The following AFF3 variants were observed in gnomAD, a reference collection of about 807,000 sequenced individuals.
The protein encoded by AFF3 is AF4/FMR2 family member 3.
A neutral mutation model predicts 129.7 loss-of-function variants in AFF3; 32 were observed. The observed-to-expected ratio is 0.25, with a 90% CI of 0.19 to 0.33. The LOEUF is 0.33. Among genes scored for constraint, AFF3 ranks in the 10% least tolerant of loss-of-function variants. AFF3 has a pLI of 1.00. For missense variants in AFF3, 1,373 were observed against 1,592.0 expected, an observed-to-expected ratio of 0.86 and a Z score of 2.34; for synonymous variants, 644 against 635.4, an observed-to-expected ratio of 1.01 and a Z score of -0.20.
At chr2:99,999,529 T>G (rs1208854045) in intron 7 of AFF3, among the ~76,000 whole-genome samples, 1 of 152,200 alleles carries the variant, frequency 6.6e-6, no homozygotes, top group Non-Finnish European at 1.5e-5. Context: ...ACTTATAATC[T>G]AGTGAAATTC....
Position 99,636,926 on chromosome 2 carries a change from G to A in AFF3, c.1184+12700C>T, listed in dbSNP as rs1270959625. On this transcript the variant is annotated intron_variant, in intron 13 of 24. Coordinates refer to ENST00000672756, the MANE Select transcript of AFF3 (RefSeq NM_001386135.1). ...TACCTCTGGGAGCAGGTCACGGGGC[G>A]GCAGCCTGTGAGCGGAGGTGAGGGC... Among the ~76,000 whole-genome samples, 8 of 152,328 alleles carry A rather than the reference G, an allele frequency of 5.3e-5. 1 individual carries two copies. The highest frequency in any genetic ancestry group is 4.1e-4 in the South Asian group (2 of 4,828).
intron 19 of AFF3, among the ~76,000 whole-genome samples, chr2:99,566,004 A>T (rs979160533): frequency 2.0e-5 from 3 of 152,202 alleles, no homozygotes; most frequent in African/African-American, 7.2e-5. Context: ...GTCCCATATA[A>T]GAGTTTTCAT....
At chr2:99,632,389 A>G (rs973698305) in intron 13 of AFF3, among the ~76,000 whole-genome samples, 1 of 152,116 alleles carries the variant, frequency 6.6e-6, no homozygotes, top group Non-Finnish European at 1.5e-5. Context: ...TCAGTTTGAG[A>G]AAATACGATA....
At chr2:99,676,192 C>T (rs891491903) in intron 11 of AFF3, among the ~76,000 whole-genome samples, 4 of 152,154 alleles carry the variant, frequency 2.6e-5, no homozygotes, top group African/African-American at 4.8e-5. Context: ...ACCCCTTTCA[C>T]GTTCCCTTAG....
chr2:99,696,887 C>T (rs1336540726), intron 11 of AFF3, among the ~76,000 whole-genome samples: 1 of 152,168 alleles, frequency 6.6e-6, no homozygotes, highest in Non-Finnish European at 1.5e-5. Flanking sequence ...TTCAAGTGAT[C>T]CTGCTACCTT....
At chr2:100,015,235 T>G (rs886504260) in intron 4 of AFF3, among the ~76,000 whole-genome samples, 2 of 152,154 alleles carry the variant, frequency 1.3e-5, no homozygotes, top group African/African-American at 4.8e-5. Flanking sequence ...CAGATTTGGT[T>G]TGGAGCAAAT....
chr2:100,126,894 T>A (rs780024094), intron 2 of AFF3, among the ~76,000 whole-genome samples: 1 of 152,238 alleles, frequency 6.6e-6, no homozygotes, highest in Admixed American at 6.5e-5. Context: ...TGGAGTTGTG[T>A]TGACACACTG....
intron 8 of AFF3, among the ~76,000 whole-genome samples, chr2:99,777,451 T>C (rs1683992699): frequency 6.6e-6 from 1 of 152,184 alleles, no homozygotes; most frequent in African/African-American, 2.4e-5. Context: ...CCTGGGCATC[T>C]GCAGACTGAA....
intron 8 of AFF3, among the ~76,000 whole-genome samples, chr2:99,762,893 A>G (rs992285804): frequency 2.4e-4 from 36 of 152,270 alleles, no homozygotes; most frequent in African/African-American, 8.7e-4. Flanking sequence ...CAGTTTCTGT[A>G]TCAGAATAAT....
chr2:99,953,294 TC>T (rs1449303580), intron 7 of AFF3, among the ~76,000 whole-genome samples: 1 of 152,158 alleles, frequency 6.6e-6, no homozygotes, highest in Non-Finnish European at 1.5e-5. Flanking sequence ...CTTTAGACTT[TC>T]CTCCACTGGA....
intron 13 of AFF3, among the ~76,000 whole-genome samples, chr2:99,602,476 C>A (rs1679934641): frequency 6.6e-6 from 1 of 152,028 alleles, no homozygotes; most frequent in Admixed American, 6.6e-5. Flanking sequence ...AATTAATTAA[C>A]CATAAAAATT....
chr2:99,747,030 C>CTTAT (rs199665545), intron 9 of AFF3, among the ~76,000 whole-genome samples: 2,872 of 151,468 alleles, frequency 0.019, 80 homozygotes, highest in African/African-American at 0.065. Context: ...ATTTTATTTA[C>CTTAT]TTATTTATTT....
chr2:99,864,220 C>G (rs1691209929), intron 7 of AFF3, among the ~76,000 whole-genome samples: 1 of 152,212 alleles, frequency 6.6e-6, no homozygotes, highest in East Asian at 1.9e-4. Context: ...GGAATAAGTT[C>G]AAGGTCTATT....
chr2:99,861,542 G>A (rs929541464), intron 7 of AFF3, among the ~76,000 whole-genome samples: 1 of 152,202 alleles, frequency 6.6e-6, no homozygotes, highest in African/African-American at 2.4e-5. Flanking sequence ...AGACTTGAAA[G>A]TTGTTATCAT....
chr2:99,771,593 T>C (rs1456714277), intron 8 of AFF3, among the ~76,000 whole-genome samples: 1 of 152,178 alleles, frequency 6.6e-6, no homozygotes, highest in Non-Finnish European at 1.5e-5. Context: ...ACCTTGTTTA[T>C]ATAATATTTA....
chr2:99,698,642 A>C (rs1676540063), intron 11 of AFF3, among the ~76,000 whole-genome samples: 1 of 152,204 alleles, frequency 6.6e-6, no homozygotes, highest in Admixed American at 6.5e-5. Context: ...CCAAGGCTTT[A>C]ATGGATAGAG....
At chr2:99,602,723 G>T (rs927824699) in intron 13 of AFF3, among the ~76,000 whole-genome samples, 1 of 152,192 alleles carries the variant, frequency 6.6e-6, no homozygotes, top group African/African-American at 2.4e-5. Context: ...GAAGGCCAGG[G>T]GCCAGGGAGC....
At chr2:99,870,463 C>T (rs73964347) in intron 7 of AFF3, among the ~76,000 whole-genome samples, 8,067 of 152,252 alleles carry the variant, frequency 0.053, 742 homozygotes, top group African/African-American at 0.18. Context: ...CTGAGAAAAG[C>T]GGGGTTGTAC....
intron 7 of AFF3, among the ~76,000 whole-genome samples, chr2:99,992,584 G>C (rs1306714297): frequency 6.6e-6 from 1 of 152,112 alleles, no homozygotes; most frequent in Non-Finnish European, 1.5e-5. Flanking sequence ...AAAATTTCTA[G>C]AATGTTCTAA....
Sources: allele counts gnomAD v4.1 joint callset (sites outside exome capture counted in the v4.1 genomes callset), GRCh38; gene constraint gnomAD v4.1.1; transcripts MANE v1.5; gene names NCBI Gene and HGNC (gene_info 2026-07-23, HGNC 2026-07-21).